Variants in LSAMP observed in about 807,000 individuals in gnomAD.
The protein encoded by LSAMP is limbic system associated membrane protein.
Under a neutral mutation model 38.6 loss-of-function variants are expected in LSAMP, and 7 were observed. The ratio of observed to expected loss-of-function variants is 0.18; its 90% CI spans 0.10 to 0.34. The LOEUF (loss-of-function observed/expected upper bound fraction) is 0.34, where lower values mean the gene tolerates loss of function less well. Among genes scored for constraint, LSAMP ranks in the 10% least tolerant of loss-of-function variants. The pLI, the probability that LSAMP is intolerant of heterozygous loss-of-function variation, is 1.00. For missense variants in LSAMP, 313 were observed against 420.0 expected (o/e 0.75, Z 2.23); for synonymous variants, 154 against 166.8 (o/e 0.92, Z 0.59).
chr3:116,330,744 A>G (rs538547493), intron 1 of LSAMP, among the ~76,000 whole-genome samples: 1 of 152,298 alleles, frequency 6.6e-6, no homozygotes, highest in Non-Finnish European at 1.5e-5. Context: ...TGGCACAGAA[A>G]CAGCCTAAAC....
intron 3 of LSAMP, among the ~76,000 whole-genome samples, chr3:115,886,113 A>G (rs967068792): frequency 6.6e-6 from 1 of 151,972 alleles, no homozygotes; most frequent in African/African-American, 2.4e-5. Flanking sequence ...AGAGAAAGAA[A>G]GAACTTGCCC....
At chr3:115,861,774 A>C (rs928923514) in intron 3 of LSAMP, among the ~76,000 whole-genome samples, 2 of 152,184 alleles carry the variant, frequency 1.3e-5, no homozygotes, top group African/African-American at 4.8e-5. Context: ...CATACTGTGG[A>C]GTATATTCTA....
chr3:116,427,077 C>T (rs2049206518), intron 1 of LSAMP, among the ~76,000 whole-genome samples: 1 of 150,004 alleles, frequency 6.7e-6, no homozygotes, highest in Non-Finnish European at 1.5e-5. Context: ...ATTCAAGTGT[C>T]ATTGCAACCC....
intron 1 of LSAMP, among the ~76,000 whole-genome samples, chr3:116,214,249 A>T (rs1475220832): frequency 2.6e-5 from 4 of 152,184 alleles, no homozygotes; most frequent in Non-Finnish European, 4.4e-5. Context: ...TTACTTTCTA[A>T]AAAGGCTTAT....
intron 3 of LSAMP, among the ~76,000 whole-genome samples, chr3:115,963,840 C>T (rs9289031): frequency 0.2 from 30,889 of 152,014 alleles, 3,377 homozygotes; most frequent in African/African-American, 0.28. Flanking sequence ...TGCAGCCTTG[C>T]CCTCTTGGGC....
At chr3:116,277,408 G>A (rs918903159) in intron 1 of LSAMP, among the ~76,000 whole-genome samples, 7 of 149,716 alleles carry the variant, frequency 4.7e-5, no homozygotes, top group South Asian at 2.1e-4. Context: ...TCGCTCTGTC[G>A]CCCAGGCTGG....
chr3:116,172,326 A>G lies in LSAMP; in HGVS notation c.156-85770T>C, dbSNP rs573878115. On this transcript the variant is annotated intron_variant, in intron 1 of 6. Coordinates refer to ENST00000490035, the MANE Select transcript of LSAMP (RefSeq NM_002338.5). ...GAGAATTGGTAAGAAGTAAAACTGG[A>G]TCAATTTCATTATTTTAAGGCTTTC... Among the ~76,000 whole-genome samples the G allele has an allele frequency of 3.3e-5, 5 of 151,558 alleles. No individual in the cohort carries two copies. In the East Asian group the frequency reaches 7.8e-4, roughly 24 times the overall value.
intron 1 of LSAMP, among the ~76,000 whole-genome samples, chr3:116,326,236 C>T (rs1461049841): frequency 6.6e-6 from 1 of 151,964 alleles, no homozygotes; most frequent in Non-Finnish European, 1.5e-5. Flanking sequence ...TATTTTGTAT[C>T]CTTGAGCAGT....
rs80000130 is a variant in LSAMP at position 116,368,732 on chromosome 3, A to C, written c.155+76145T>G. On this transcript the variant is annotated intron_variant, in intron 1 of 6. Transcript: ENST00000490035. Reference sequence around the variant, plus strand: ...ATGGGATTCACCAGCTATAAGTGTAAGATAAAAGAATAATTAGTGACCAAA... The same window carrying C: ...ATGGGATTCACCAGCTATAAGTGTACGATAAAAGAATAATTAGTGACCAAA... Among the ~76,000 whole-genome samples, 695 of 152,320 alleles carry C rather than the reference A, an allele frequency of 4.6e-3. 11 individuals are homozygous for C. The highest frequency in any genetic ancestry group is 0.031 in the East Asian group (161 of 5,172).
intron 3 of LSAMP, among the ~76,000 whole-genome samples, chr3:115,934,943 T>C (rs1178395758): frequency 2.0e-5 from 3 of 152,114 alleles, no homozygotes; most frequent in Non-Finnish European, 4.4e-5. Flanking sequence ...AAGATTAGAA[T>C]ACTGGTCAAG....
chr3:116,303,638 A>ATCT (rs776369096), intron 1 of LSAMP, among the ~76,000 whole-genome samples: 16 of 152,188 alleles, frequency 1.1e-4, no homozygotes, highest in East Asian at 1.9e-4. Context: ...GATTTAGGGC[A>ATCT]TCTTCATGAT....
intron 3 of LSAMP, among the ~76,000 whole-genome samples, chr3:115,943,737 T>G (rs1274024971): frequency 6.6e-6 from 1 of 152,196 alleles, no homozygotes; most frequent in Non-Finnish European, 1.5e-5. Context: ...ATTTAGAACT[T>G]CCTGCTCTTC....
chr3:116,331,865 G>C (rs2047857746), intron 1 of LSAMP, among the ~76,000 whole-genome samples: 1 of 151,446 alleles, frequency 6.6e-6, no homozygotes, highest in South Asian at 2.1e-4. Flanking sequence ...TTTAGAGGCA[G>C]GGCCTCATTC....
At chr3:116,326,892 T>C (rs1245644141) in intron 1 of LSAMP, among the ~76,000 whole-genome samples, 1 of 152,010 alleles carries the variant, frequency 6.6e-6, no homozygotes, top group Non-Finnish European at 1.5e-5. Flanking sequence ...GTGGGTGTCA[T>C]GAAAATCAAG....
At chr3:116,075,172 C>T (rs1472655617) in intron 2 of LSAMP, among the ~76,000 whole-genome samples, 2 of 119,778 alleles carry the variant, frequency 1.7e-5, no homozygotes, top group Non-Finnish European at 1.7e-5. Flanking sequence ...GAGTCTTGCT[C>T]TGTTGCCCAG....
chr3:116,339,547 A>G (rs2047966035), intron 1 of LSAMP, among the ~76,000 whole-genome samples: 1 of 151,884 alleles, frequency 6.6e-6, no homozygotes, highest in African/African-American at 2.4e-5. Context: ...ATGGGGAAGT[A>G]GGGTCTGCAT....
chr3:115,968,237 TCTC>T (rs1282183550), intron 3 of LSAMP, among the ~76,000 whole-genome samples: 2 of 151,562 alleles, frequency 1.3e-5, no homozygotes, highest in Non-Finnish European at 2.9e-5. Flanking sequence ...CCCTCTTCCT[TCTC>T]CTTTTCTCAA....
chr3:116,397,386 G>GCC (rs34626647), intron 1 of LSAMP, among the ~76,000 whole-genome samples: 7 of 100,128 alleles, frequency 7.0e-5, no homozygotes, highest in East Asian at 3.9e-4. Flanking sequence ...TAAAATACCC[G>GCC]CCCCCCCCCC....
intron 2 of LSAMP, among the ~76,000 whole-genome samples, chr3:116,022,870 C>T (rs1940677140): frequency 6.6e-6 from 1 of 152,166 alleles, no homozygotes; most frequent in Non-Finnish European, 1.5e-5. Context: ...ACCCAAGTTT[C>T]AACAAACTCA....
Sources: gnomAD v4.1 joint callset for allele counts (sites outside exome capture counted in the v4.1 genomes callset) on GRCh38, gnomAD v4.1.1 for gene constraint, MANE v1.5 for transcripts, NCBI Gene and HGNC (gene_info 2026-07-23, HGNC 2026-07-21) for gene names.